Variants in SEMA3A observed in about 807,000 individuals in gnomAD.
SEMA3A encodes the protein semaphorin 3A, also known as semaphorin-3A.
In SEMA3A, 29 loss-of-function variants were observed where a neutral mutation model predicts 97.9. The ratio of observed to expected loss-of-function variants is 0.30; its 90% CI spans 0.22 to 0.40. The LOEUF (loss-of-function observed/expected upper bound fraction) is 0.40. Ranked by LOEUF, SEMA3A falls within the 10% of genes least tolerant of loss-of-function variation. SEMA3A has a pLI of 1.00. For missense variants in SEMA3A, 763 were observed against 951.3 expected, an observed-to-expected ratio of 0.80 and a Z score of 2.60; for synonymous variants, 321 against 323.7, an observed-to-expected ratio of 0.99 and a Z score of 0.09.
chr7:84,116,541 C>CT (rs1382478728), intron 3 of SEMA3A, among the ~76,000 whole-genome samples: 6 of 152,148 alleles, frequency 3.9e-5, no homozygotes, highest in Non-Finnish European at 5.9e-5. Context: ...CCTTGAAGCT[C>CT]TAATCTCTAC....
chr7:83,978,494 TG>T (rs543603718), intron 14 of SEMA3A, among the ~76,000 whole-genome samples: 157 of 152,248 alleles, frequency 1.0e-3, no homozygotes, highest in African/African-American at 3.4e-3. Context: ...TGGAAAAGAT[TG>T]GGGGACACTT....
chr7:84,384,162 C>G (rs1016457735), intron 1 of SEMA3A, among the ~76,000 whole-genome samples: 5 of 152,078 alleles, frequency 3.3e-5, no homozygotes, highest in Admixed American at 6.5e-5. Context: ...GATATTAGAG[C>G]AGGGATCACT....
chr7:84,169,588 A>G (rs1467806375), intron 1 of SEMA3A, among the ~76,000 whole-genome samples: 1 of 150,192 alleles, frequency 6.7e-6, no homozygotes, highest in Non-Finnish European at 1.5e-5. Context: ...AGATATTGAA[A>G]CGTAGATTCA....
intron 1 of SEMA3A, among the ~76,000 whole-genome samples, chr7:84,430,646 A>C (rs1804954473): frequency 6.6e-6 from 1 of 151,976 alleles, no homozygotes; most frequent in Non-Finnish European, 1.5e-5. Flanking sequence ...ATGTTTGATA[A>C]TTTAGCAAAA....
intron 2 of SEMA3A, among the ~76,000 whole-genome samples, chr7:84,315,477 TA>T (rs1464669470): frequency 6.6e-6 from 1 of 152,006 alleles, no homozygotes; most frequent in Non-Finnish European, 1.5e-5. Flanking sequence ...TAGAAACAAA[TA>T]AAAAATCATC....
At chr7:84,240,795 C>T (rs774354970) in intron 3 of SEMA3A, among the ~76,000 whole-genome samples, 2 of 152,114 alleles carry the variant, frequency 1.3e-5, no homozygotes, top group Admixed American at 1.3e-4. Context: ...GTGATGTCCC[C>T]CTCCCTGGGT....
In SEMA3A at chr7:84,424,615, A is replaced by G. The variant is rs1406998315; in HGVS notation, c.-245-52715T>C. Among the ~76,000 whole-genome samples the G allele has an allele frequency of 7.9e-4, 36 of 45,768 alleles. No homozygotes were observed. The East Asian group carries it at 0.026, about 33-fold the overall frequency. The allele number at this position is 45,768 out of a possible 152,430, so 30.0% of individuals were successfully genotyped here. ...TAATATATAAATATTAATATATAAT[A>G]TAATATATAATATATATACAATATA... On this transcript the variant is annotated intron_variant, in intron 1 of 3. Coordinates refer to the SEMA3A transcript ENST00000424555.
At chr7:84,320,212 G>A (rs745761198) in intron 2 of SEMA3A, among the ~76,000 whole-genome samples, 7 of 151,862 alleles carry the variant, frequency 4.6e-5, no homozygotes, top group Non-Finnish European at 8.8e-5. Flanking sequence ...ACCTTACAGG[G>A]TATATATATT....
intron 4 of SEMA3A, among the ~76,000 whole-genome samples, chr7:84,084,319 G>C (rs765868410): frequency 1.5e-4 from 23 of 151,858 alleles, no homozygotes; most frequent in Non-Finnish European, 3.4e-4. Flanking sequence ...TATTTTGAAT[G>C]GTCAAATAGT....
Position 84,014,264 on chromosome 7 carries a change from A to G in SEMA3A, c.755T>C (p.Ile252Thr). The G allele has an allele frequency of 6.2e-7, 1 of 1,613,352 alleles. No individual in the cohort carries two copies. Among genetic ancestry groups the G allele is most frequent in the Non-Finnish European group, 8.5e-7 (1 of 1,179,628 alleles). The change falls in exon 7 of 17, where the codon ATA becomes ACA. Residue 252 changes from isoleucine to threonine, a missense_variant. Around this residue, in one of 2 missense-constraint regions of SEMA3A, gnomAD observed 678 missense variants for 881.3 expected, o/e 0.77. Coordinates refer to ENST00000265362, the MANE Select transcript of SEMA3A (RefSeq NM_006080.3). Reference sequence around the variant, plus strand: ...AGCTTTTCCAGAGTGTTCTCCATCTATTGCATTTTCACGGAAGAAAAAGTA... The same window carrying G: ...AGCTTTTCCAGAGTGTTCTCCATCTGTTGCATTTTCACGGAAGAAAAAGTA... Reference protein sequence around the residue: ...KVYFFFRENAIDGEHSGKATH... With the variant: ...KVYFFFRENATDGEHSGKATH...
chr7:84,455,696 G>A (rs1436024890), intron 1 of SEMA3A, among the ~76,000 whole-genome samples: 1 of 151,864 alleles, frequency 6.6e-6, no homozygotes, highest in Non-Finnish European at 1.5e-5. Context: ...ACAATTAAGA[G>A]TATTCTTAAG....
At chr7:84,289,904 G>C (rs374044817) in intron 3 of SEMA3A, among the ~76,000 whole-genome samples, 7 of 152,204 alleles carry the variant, frequency 4.6e-5, no homozygotes, top group Admixed American at 1.3e-4. Context: ...ATAAATTGTG[G>C]CATATCCATT....
chr7:84,161,321 GC>G (rs1426565686), intron 1 of SEMA3A, among the ~76,000 whole-genome samples: 1 of 151,696 alleles, frequency 6.6e-6, no homozygotes, highest in Admixed American at 6.6e-5. Flanking sequence ...CCAGGATCAC[GC>G]CATTGCACTC....
At chr7:84,242,579 T>A (rs1218786384) in intron 3 of SEMA3A, among the ~76,000 whole-genome samples, 2 of 152,118 alleles carry the variant, frequency 1.3e-5, no homozygotes, top group Non-Finnish European at 2.9e-5. Flanking sequence ...ACAGAGACAA[T>A]TTGACTTCCT....
intron 3 of SEMA3A, among the ~76,000 whole-genome samples, chr7:84,126,808 ATG>A (rs1795813178): frequency 6.6e-6 from 1 of 152,174 alleles, no homozygotes; most frequent in African/African-American, 2.4e-5. Context: ...ACAGTGATAT[ATG>A]TGTTGTCTCA....
At chr7:84,404,395 G>A (rs919927148) in intron 1 of SEMA3A, among the ~76,000 whole-genome samples, 2 of 152,202 alleles carry the variant, frequency 1.3e-5, no homozygotes, top group Admixed American at 6.5e-5. Context: ...GGGACTATGT[G>A]AAAAGACCAA....
chr7:84,069,842 C>G (rs1424462694), intron 4 of SEMA3A, among the ~76,000 whole-genome samples: 1 of 152,048 alleles, frequency 6.6e-6, no homozygotes, highest in African/African-American at 2.4e-5. Context: ...TTTCTGTTAT[C>G]TAATGAGCAA....
chr7:84,266,715 A>G (rs1220666345), intron 3 of SEMA3A, among the ~76,000 whole-genome samples: 1 of 152,142 alleles, frequency 6.6e-6, no homozygotes, highest in Non-Finnish European at 1.5e-5. Context: ...GAAATGATGA[A>G]TTAGCTGAGG....
intron 4 of SEMA3A, among the ~76,000 whole-genome samples, chr7:84,089,977 CTAT>C (rs1328658746): frequency 1.3e-5 from 2 of 151,812 alleles, no homozygotes; most frequent in South Asian, 2.1e-4. Flanking sequence ...TTTTAAAATA[CTAT>C]TATTATATGA....
Sources: allele counts gnomAD v4.1 joint callset (sites outside exome capture counted in the v4.1 genomes callset), GRCh38; gene constraint gnomAD v4.1.1; regional missense constraint gnomAD v4.1.1; transcripts MANE v1.5; gene names NCBI Gene and HGNC (gene_info 2026-07-23, HGNC 2026-07-21).